Variants in PDCD1LG2 observed in about 807,000 individuals in gnomAD.
The protein encoded by PDCD1LG2 is programmed cell death 1 ligand 2.
A neutral mutation model predicts 28.2 loss-of-function variants in PDCD1LG2; 32 were observed. The observed-to-expected ratio is 1.13, with a 90% CI of 0.86 to 1.52. The LOEUF (loss-of-function observed/expected upper bound fraction) is 1.52, where lower values mean the gene tolerates loss of function less well. PDCD1LG2 is among the 40% of genes most tolerant of loss of function. The pLI, the probability that PDCD1LG2 is intolerant of heterozygous loss-of-function variation, is 0.00. For synonymous variants in PDCD1LG2, 116 were observed against 120.2 expected (o/e 0.97, Z 0.23); for missense variants, 385 against 323.8 (o/e 1.19, Z -1.45).
At chr9:5,559,880 A>G (rs1297394922) in intron 5 of PDCD1LG2, among the ~76,000 whole-genome samples, 1 of 152,172 alleles carries the variant, frequency 6.6e-6, no homozygotes, top group African/African-American at 2.4e-5. Context: ...TTCATTGTCT[A>G]AAGCTCTAAC....
intron 1 of PDCD1LG2, among the ~76,000 whole-genome samples, chr9:5,512,818 C>T (rs67860121): frequency 0.18 from 28,112 of 152,144 alleles, 2,897 homozygotes; most frequent in Admixed American, 0.28. Context: ...CCCTTCCTCC[C>T]CCATGGCTCC....
intron 2 of PDCD1LG2, among the ~76,000 whole-genome samples, chr9:5,525,784 C>T (rs1426672175): frequency 2.6e-5 from 4 of 152,054 alleles, no homozygotes; most frequent in Non-Finnish European, 2.9e-5. Context: ...CATGGTGGCT[C>T]ACGCCTGTAA....
chr9:5,564,732 T>A (rs1816630444), intron 6 of PDCD1LG2, among the ~76,000 whole-genome samples: 1 of 152,194 alleles, frequency 6.6e-6, no homozygotes, highest in Non-Finnish European at 1.5e-5. Flanking sequence ...CTAAGCCAAC[T>A]CATCTACCAC....
rs1392340443 is a variant in PDCD1LG2, at chr9:5,569,980, G to C, written c.*21G>C. The C allele has an allele frequency of 1.9e-6, 3 of 1,614,030 alleles. No individual in the cohort carries two copies. Among genetic ancestry groups the C allele is most frequent in the Non-Finnish European group, 1.7e-6 (2 of 1,179,888 alleles). Reference sequence around the variant, plus strand: ...TCTGAACCTGTGGTCTTGGGAGCCAGGGTGACCTGATATGACATCTAAAGA... The same window carrying C: ...TCTGAACCTGTGGTCTTGGGAGCCACGGTGACCTGATATGACATCTAAAGA... On this transcript the variant is annotated 3_prime_UTR_variant, in exon 7 of 7. Transcript: ENST00000397747. The surrounding 1 kb of genome is among the most constrained non-coding windows in gnomAD (Gnocchi z 4.1).
intron 1 of PDCD1LG2, among the ~76,000 whole-genome samples, chr9:5,518,335 C>A (rs1820207214): frequency 6.6e-6 from 1 of 152,126 alleles, no homozygotes; most frequent in Non-Finnish European, 1.5e-5. Flanking sequence ...TCGGTTTGCT[C>A]AAGGGGACAG....
At chr9:5,524,741 T>C (rs1388979769) in intron 2 of PDCD1LG2, among the ~76,000 whole-genome samples, 1 of 152,186 alleles carries the variant, frequency 6.6e-6, no homozygotes, top group Non-Finnish European at 1.5e-5. Context: ...TTATCTATTA[T>C]GTATATTCAG....
intron 1 of PDCD1LG2, among the ~76,000 whole-genome samples, chr9:5,520,783 C>T (rs1226194467): frequency 6.6e-6 from 1 of 151,994 alleles, no homozygotes; most frequent in Admixed American, 6.6e-5. Flanking sequence ...ATTTCCAAAT[C>T]ATATATTTGA....
chr9:5,557,513 TC>T, intron 4 of PDCD1LG2, 104 bp from the exon 5 acceptor site: 1 of 1,334,488 alleles, frequency 7.5e-7, no homozygotes, highest in Non-Finnish European at 1.1e-6. Context: ...GAGTAAATGC[TC>T]CACAGAGCTA....
At chr9:5,524,682 T>C (rs1030047502) in intron 2 of PDCD1LG2, among the ~76,000 whole-genome samples, 1 of 152,270 alleles carries the variant, frequency 6.6e-6, no homozygotes, top group African/African-American at 2.4e-5. Context: ...AATTAGTGTT[T>C]ACTTCTGGGG....
intron 4 of PDCD1LG2, among the ~76,000 whole-genome samples, chr9:5,556,048 G>A (rs1391494375): frequency 6.6e-6 from 1 of 152,210 alleles, no homozygotes; most frequent in Non-Finnish European, 1.5e-5. Context: ...GCTGTTGCTT[G>A]GCTCTATCTA....
chr9:5,541,897 A>T (rs1310391493), intron 3 of PDCD1LG2, among the ~76,000 whole-genome samples: 1 of 152,200 alleles, frequency 6.6e-6, no homozygotes, highest in Non-Finnish European at 1.5e-5. Context: ...CAAAAAGAAC[A>T]AACCTGGAGG....
chr9:5,557,115 T>G (rs561858919), intron 4 of PDCD1LG2, among the ~76,000 whole-genome samples: 7 of 152,300 alleles, frequency 4.6e-5, no homozygotes, highest in African/African-American at 1.4e-4. Context: ...GTATAGATTC[T>G]AAGCACTGTG....
chr9:5,559,166 T>A (rs1163278056), intron 5 of PDCD1LG2, among the ~76,000 whole-genome samples: 1 of 152,208 alleles, frequency 6.6e-6, no homozygotes, highest in Non-Finnish European at 1.5e-5. Context: ...CCTCTCCTCA[T>A]CCTTCACCCC....
At chr9:5,540,234 C>T (rs2129825406) in intron 3 of PDCD1LG2, among the ~76,000 whole-genome samples, 1 of 152,226 alleles carries the variant, frequency 6.6e-6, no homozygotes, top group South Asian at 2.1e-4. Context: ...ACAGCAAAAG[C>T]AGTGCTAAGA....
rs1816727164 is a variant in PDCD1LG2 at position 5,569,364 on chromosome 9, G to A, written c.817-590G>A. On this transcript the variant is annotated intron_variant, in intron 6 of 6. Coordinates refer to ENST00000397747, the MANE Select transcript of PDCD1LG2 (RefSeq NM_025239.4). This position sits in a 1 kb window ranked among gnomAD's most constrained non-coding sequence, Gnocchi z 4.1. ...GGAGGGAGCAGTTCCCAGAACCCTA[G>A]TAAAAATGGCAATGAGAAAGGTCCA... Among the ~76,000 whole-genome samples the A allele has an allele frequency of 1.3e-5, 2 of 152,176 alleles. No individual in the cohort carries two copies. The highest frequency in any genetic ancestry group is 2.9e-5 in the Non-Finnish European group (2 of 68,030).
chr9:5,532,241 G>T (rs1011591172), intron 2 of PDCD1LG2, among the ~76,000 whole-genome samples: 2 of 152,164 alleles, frequency 1.3e-5, no homozygotes, highest in African/African-American at 4.8e-5. Context: ...TGCCCCTCCT[G>T]CACAAAAGAA....
In PDCD1LG2 at chr9:5,547,948, A is replaced by G. The variant is rs528183772; in HGVS notation, c.362-1387A>G. Among the ~76,000 whole-genome samples, 5 of 152,018 alleles carry G rather than the reference A, an allele frequency of 3.3e-5. No individual in the cohort carries two copies. The South Asian group carries it at 1.0e-3, about 32-fold the overall frequency. ...CGAAACTCTGTCTCAAAAAAAAAAA[A>G]AAAAAAAAAGAATAAATCAAACTAG... is the stretch of plus-strand genomic sequence containing the variant. On this transcript the variant is annotated intron_variant, in intron 3 of 6. Coordinates refer to ENST00000397747, the MANE Select transcript of PDCD1LG2 (RefSeq NM_025239.4).
At chr9:5,547,658 C>T (rs959903680) in intron 3 of PDCD1LG2, among the ~76,000 whole-genome samples, 3 of 152,078 alleles carry the variant, frequency 2.0e-5, no homozygotes, top group Admixed American at 6.5e-5. Context: ...TCAATCAAGC[C>T]GGGCACAGTG....
At chr9:5,565,172 T>G (rs1364584628) in intron 6 of PDCD1LG2, among the ~76,000 whole-genome samples, 2 of 152,222 alleles carry the variant, frequency 1.3e-5, no homozygotes, top group East Asian at 1.9e-4. Flanking sequence ...ACACTCTGCT[T>G]TTTTAAAATT....
Sources: allele counts gnomAD v4.1 joint callset (sites outside exome capture counted in the v4.1 genomes callset), GRCh38; gene constraint gnomAD v4.1.1; non-coding constraint Gnocchi (gnomAD v3.1); transcripts MANE v1.5; gene names NCBI Gene and HGNC (gene_info 2026-07-23, HGNC 2026-07-21).